The following HNRNPL variants were observed in gnomAD, a reference collection of about 807,000 sequenced individuals.
HNRNPL encodes the protein epididymis secretory sperm binding protein.
In HNRNPL, 12 loss-of-function variants were observed where a neutral mutation model predicts 64.0. The ratio of observed to expected loss-of-function variants is 0.19; its 90% CI spans 0.12 to 0.30. The LOEUF is 0.30. HNRNPL is among the 10% of genes least tolerant of loss of function. The pLI, the probability that HNRNPL is intolerant of heterozygous loss-of-function variation, is 1.00. For missense variants in HNRNPL, 484 were observed against 797.4 expected (o/e 0.61, Z 4.73); for synonymous variants, 385 against 313.0 (o/e 1.23, Z -2.43).
intron 1 of HNRNPL, among the ~76,000 whole-genome samples, chr19:38,848,281 C>T (rs1353496199): frequency 6.6e-6 from 1 of 152,094 alleles, no homozygotes; most frequent in East Asian, 1.9e-4. Context: ...TTAGTAGAGA[C>T]GGAGTTTTGC....
At chr19:38,841,176 C>A (rs1327870928) in intron 6 of HNRNPL, 2 of 242,940 alleles carry the variant, frequency 8.2e-6, no homozygotes, top group Non-Finnish European at 1.6e-5. Flanking sequence ...TCGACATTCC[C>A]ACACCCAGCA....
rs992304522 is a variant in HNRNPL, at chr19:38,838,690, G to T, written c.1356-92C>A. On this transcript the variant is annotated intron_variant, in intron 9 of 12. Transcript: ENST00000221419. ...CCTCCAGAGGCTTAGCTTGCCCTGT[G>T]TGCCTTGGGGCATTGCTCTACACCT... 4.5e-5 allele frequency: 63 copies of T among 1,385,228 alleles called. No homozygotes were observed. In the Middle Eastern group the frequency reaches 5.4e-4, roughly 12 times the overall value. 85.8% of individuals were successfully genotyped at this position (1,385,228 alleles called of 1,614,324 possible). A position where few individuals can be genotyped will look rare whatever the true frequency, so the allele number is the denominator to read the frequency against.
chr19:38,846,168 C>A (rs1972287691), intron 2 of HNRNPL, 78 bp from the exon 3 acceptor site: 5 of 1,076,822 alleles, frequency 4.6e-6, no homozygotes, highest in Non-Finnish European at 5.7e-6. Flanking sequence ...TTTTTGAGAA[C>A]TGACTCCTCC....
At chr19:38,839,134 G>A (rs539852555) in intron 8 of HNRNPL, 119 bp from the exon 9 acceptor site, 21 of 1,277,094 alleles carry the variant, frequency 1.6e-5, no homozygotes, top group African/African-American at 1.0e-4. Flanking sequence ...ACAGTTAATC[G>A]GGACCACTAG....
chr19:38,838,171 G>A (rs1971992178), intron 10 of HNRNPL, among the ~76,000 whole-genome samples: 1 of 152,220 alleles, frequency 6.6e-6, no homozygotes, highest in African/African-American at 2.4e-5. Context: ...GTAAAAGGAA[G>A]GAACGCGGCA....
rs201860193 is a variant in HNRNPL at position 38,838,848 on chromosome 19, T to C, written c.1355+46A>G. On this transcript the variant is annotated intron_variant, in intron 9 of 12. Coordinates refer to ENST00000221419, the MANE Select transcript of HNRNPL (RefSeq NM_001533.3). ...TCTGCTGGGCCCCATTCCCCTCCTTTTCTCTCCCCTGTACCTCTGCTGCCC... is the reference window on the plus strand; with the variant it reads ...TCTGCTGGGCCCCATTCCCCTCCTTCTCTCTCCCCTGTACCTCTGCTGCCC... The C allele has an allele frequency of 1.5e-4, 236 of 1,612,368 alleles. 2 individuals are homozygous for C. The East Asian group carries it at 3.1e-3, about 21-fold the overall frequency.
intron 6 of HNRNPL, 116 bp from the exon 7 acceptor site, chr19:38,840,675 C>G: frequency 2.5e-6 from 2 of 814,910 alleles, no homozygotes; most frequent in South Asian, 1.5e-5. Context: ...GCCCTCCCTT[C>G]CTCGAGGGCT....
At position 38,843,913 on chromosome 19, in the gene HNRNPL, G is replaced by T; in HGVS notation, c.809C>A (p.Pro270His). The T allele has an allele frequency of 6.2e-7, 1 of 1,614,074 alleles. No homozygotes were observed. Among genetic ancestry groups the T allele is most frequent in the Non-Finnish European group, 8.5e-7 (1 of 1,179,906 alleles). Residue 270 changes from proline (P) to histidine (H), a missense_variant and splice_region_variant, in exon 6 of 13, where the codon CCT becomes CAT. Transcript: ENST00000221419. ...CCTLKIEYAK[P>H]TRLNVFKNDQ... ...ATTCTTGAACACATTCAAGCGTGTA[G>T]GCTGCAAGGACAGGACAAGACAAGA...
Position 38,845,982 on chromosome 19 carries a change from A to G in HNRNPL, c.495T>C (p.Ala165=). Residue 165 remains alanine, a synonymous_variant, in exon 3 of 13, where the codon GCT becomes GCC. Transcript: ENST00000221419. ...NYAADNQIYI[A]GHPAFVNYST... ...AGTAGTTGACAAAAGCTGGGTGACC[A>G]GCAATGTATATTTGGTTGTCGGCTG... 1.2e-6 allele frequency: 2 copies of G among 1,614,222 alleles called. No individual in the cohort carries two copies. Among genetic ancestry groups the G allele is most frequent in the Non-Finnish European group, 1.7e-6 (2 of 1,180,032 alleles).
rs752079077 is a variant in HNRNPL at position 38,848,521 on chromosome 19, C to A, written c.268-1087G>T. On this transcript the variant is annotated intron_variant, in intron 1 of 12. Coordinates refer to ENST00000221419, the MANE Select transcript of HNRNPL (RefSeq NM_001533.3). ...CATCAGGAGAAAGATTAACTCTCTT[C>A]CGCCTCTCCTGGGCTCTGGGGCCGG... Among the ~76,000 whole-genome samples, 4 of 152,374 alleles carry A rather than the reference C, an allele frequency of 2.6e-5. No homozygotes were observed. In the East Asian group the frequency reaches 7.7e-4, roughly 29 times the overall value.
At chr19:38,851,309 G>T (rs1972498529), upstream of HNRNPL, among the ~76,000 whole-genome samples, 1 of 152,266 alleles carries the variant, frequency 6.6e-6, no homozygotes, top group South Asian at 2.1e-4. Context: ...CCAACTGGCG[G>T]AGCCTGGGGG....
At chr19:38,837,504 T>TA in intron 11 of HNRNPL, 25 bp from the exon 12 acceptor site, 1 of 1,613,482 alleles carries the variant, frequency 6.2e-7, no homozygotes, top group African/African-American at 1.3e-5. Flanking sequence ...AGGGGAAAAG[T>TA]AAAGGTTTTA....
intron 5 of HNRNPL, 36 bp from the exon 6 acceptor site, chr19:38,843,950 C>A (rs1972199237): frequency 6.2e-7 from 1 of 1,610,784 alleles, no homozygotes; most frequent in Non-Finnish European, 8.5e-7. Context: ...TTGAGGTCAG[C>A]CATGCCCCAG....
rs1377363620 is a variant in HNRNPL, at chr19:38,836,410, AT to A, written c.*311del. On this transcript the variant is annotated 3_prime_UTR_variant, in exon 13 of 13. Transcript: ENST00000221419. Reference sequence around the variant, plus strand: ...AAGTGCTGTGTTTATTTTCCAAACAATTTTATTGAAATGTGCCAAGAGTACA... The same window carrying A: ...AAGTGCTGTGTTTATTTTCCAAACAATTTATTGAAATGTGCCAAGAGTACA... 7 of 233,310 alleles carry A rather than the reference AT, an allele frequency of 3.0e-5. No homozygotes were observed. Among genetic ancestry groups the A allele is most frequent in the Non-Finnish European group, 8.5e-6 (1 of 117,950 alleles). 14.5% of individuals were successfully genotyped at this position (233,310 alleles called of 1,614,324 possible). A position where few individuals can be genotyped will look rare whatever the true frequency, so the allele number is the denominator to read the frequency against.
chr19:38,840,325 G>T lies in HNRNPL; in HGVS notation c.1004C>A (p.Pro335His), dbSNP rs1367670434. The change falls in exon 8 of 13, where the codon CCC (proline) becomes CAC (histidine). Residue 335 changes from proline to histidine, a missense_variant. By Grantham distance (77) the Pro-to-His change is moderately conservative. This residue lies in a region of HNRNPL where 46 missense variants were observed against 37.4 expected (regional missense o/e 1.23). Coordinates refer to ENST00000221419, the MANE Select transcript of HNRNPL (RefSeq NM_001533.3). ...TCTCCCTTCGTAGTGAGGTGGGGGG[G>T]GCCCGTAGCCCTCATCATGGTAATG... Reference protein sequence around the residue: ...HSHYHDEGYGPPPPHYEGRRM... With the variant: ...HSHYHDEGYGHPPPHYEGRRM... 18 of 1,545,046 alleles carry T rather than the reference G, an allele frequency of 1.2e-5. No individual in the cohort carries two copies. Among genetic ancestry groups the T allele is most frequent in the Non-Finnish European group, 1.6e-5 (18 of 1,139,742 alleles).
chr19:38,837,185 G>A, intron 12 of HNRNPL, 199 bp downstream of exon 12: 2 of 596,318 alleles, frequency 3.4e-6, no homozygotes, highest in South Asian at 4.0e-5. Context: ...GGCAGAGTGA[G>A]TGGCAGCAGG....
intron 1 of HNRNPL, among the ~76,000 whole-genome samples, chr19:38,847,786 G>A (rs1333705297): frequency 1.3e-5 from 2 of 152,194 alleles, no homozygotes; most frequent in African/African-American, 4.8e-5. Context: ...AGAGTAGCTG[G>A]AAAAGGAGAT....
Position 38,847,299 on chromosome 19 carries a change from G to T in HNRNPL, c.386+17C>A. ...GTCAACTTTGGAAGCCCAACACCTG[G>T]CCTCTGAGCCCAGTACCTGATGGGT... On this transcript the variant is annotated intron_variant, in intron 2 of 12. Coordinates refer to ENST00000221419, the MANE Select transcript of HNRNPL (RefSeq NM_001533.3). 7.6e-7 allele frequency: 1 copy of T among 1,324,334 alleles called. No homozygotes were observed. Among genetic ancestry groups the T allele is most frequent in the Non-Finnish European group, 1.0e-6 (1 of 991,020 alleles). 82.0% of individuals were successfully genotyped at this position (1,324,334 alleles called of 1,614,324 possible).
At chr19:38,843,164 A>G (rs1257589376) in intron 6 of HNRNPL, among the ~76,000 whole-genome samples, 1 of 150,766 alleles carries the variant, frequency 6.6e-6, no homozygotes, top group Non-Finnish European at 1.5e-5. Flanking sequence ...ACCAAGACAG[A>G]CACCGAGATG....
Sources: gnomAD v4.1 joint callset for allele counts (sites outside exome capture counted in the v4.1 genomes callset) on GRCh38, gnomAD v4.1.1 for gene constraint, gnomAD v4.1.1 regional missense constraint, MANE v1.5 for transcripts, NCBI Gene and HGNC (gene_info 2026-07-23, HGNC 2026-07-21) for gene names.